SVEP1: variants seen among roughly 807,000 people sequenced by gnomAD.
SVEP1 encodes the protein sushi, von Willebrand factor type A, EGF and pentraxin domain-containing protein 1.
Under a neutral mutation model 367.3 loss-of-function variants are expected in SVEP1, and 164 were observed. That is an observed-to-expected ratio of 0.45 (90% CI 0.39 to 0.51). The LOEUF (loss-of-function observed/expected upper bound fraction) is 0.51, where lower values mean the gene tolerates loss of function less well. Among genes scored for constraint, SVEP1 ranks in the 20% least tolerant of loss-of-function variants. The pLI, the probability that SVEP1 is intolerant of heterozygous loss-of-function variation, is 0.00. For synonymous variants in SVEP1, 1,666 were observed against 1,611.6 expected (o/e 1.03, Z -0.81); for missense variants, 4,117 against 4,425.3 (o/e 0.93, Z 1.98).
Position 110,432,490 on chromosome 9 carries a change from G to A in SVEP1, c.5205C>T (p.Ser1735=). ...DSRMFCTDNG[S]WNGVSPSCLD... is the part of the protein sequence containing the mutation. ...GGCAGGATGGTGAAACGCCGTTCCA[G>A]CTCCCATTATCTGTACAGAACATCC... is the stretch of plus-strand genomic sequence containing the variant. The change falls in exon 31 of 48, where the codon AGC becomes AGT. Residue 1735 remains serine (S), a synonymous_variant. Transcript: ENST00000374469. 1 of 1,612,994 alleles carries A rather than the reference G, an allele frequency of 6.2e-7. No individual in the cohort carries two copies. Among genetic ancestry groups the A allele is most frequent in the Non-Finnish European group, 8.5e-7 (1 of 1,179,542 alleles).
At position 110,406,871 on chromosome 9, in the gene SVEP1, A is replaced by G. The variant is rs1451507239; in HGVS notation, c.8729T>C (p.Met2910Thr). 5 of 1,613,966 alleles carry G rather than the reference A, an allele frequency of 3.1e-6. No homozygotes were observed. Among genetic ancestry groups the G allele is most frequent in the Non-Finnish European group, 3.4e-6 (4 of 1,179,882 alleles). ...GTGACAGTGGAATGTTACTTCCTTC[A>G]TGAAGCCATAGTCCAGGCCTTCCGT... is the stretch of plus-strand genomic sequence containing the variant. The part of the protein sequence containing the change: ...GVTEGLDYGF[M>T]KEVTFHCHEG... Residue 2910 changes from methionine to threonine, a missense_variant, in exon 38 of 48, where the codon ATG becomes ACG. Physicochemically the swap from Met to Thr is moderately conservative, Grantham distance 81. Coordinates refer to ENST00000374469, the MANE Select transcript of SVEP1 (RefSeq NM_153366.4).
intron 35 of SVEP1, among the ~76,000 whole-genome samples, chr9:110,428,256 C>T (rs1284934702): frequency 6.6e-6 from 1 of 152,142 alleles, no homozygotes; most frequent in African/African-American, 2.4e-5. Flanking sequence ...TATGCCATGG[C>T]TTATCTGCCT....
intron 3 of SVEP1, among the ~76,000 whole-genome samples, chr9:110,528,825 A>G (rs1166163476): frequency 1.3e-5 from 2 of 151,424 alleles, no homozygotes; most frequent in African/African-American, 2.4e-5. Flanking sequence ...TATTAAAATA[A>G]ATATATTTTA....
chr9:110,471,822 A>G (rs1224872972), intron 15 of SVEP1, among the ~76,000 whole-genome samples: 1 of 152,244 alleles, frequency 6.6e-6, no homozygotes, highest in Non-Finnish European at 1.5e-5. Flanking sequence ...GAACTATACA[A>G]TTTGTTTCAG....
At position 110,459,128 on chromosome 9, in the gene SVEP1, A is replaced by T; in HGVS notation, c.3323-15T>A. 1 of 1,612,354 alleles carries T rather than the reference A, an allele frequency of 6.2e-7. No homozygotes were observed. Among genetic ancestry groups the T allele is most frequent in the South Asian group, 1.1e-5 (1 of 90,968 alleles). Reference sequence around the variant, plus strand: ...TGGACAAGGAACTGCAGAGGTAAAAACAAATCATATGTGCATATAAAGTAA... The same window carrying T: ...TGGACAAGGAACTGCAGAGGTAAAATCAAATCATATGTGCATATAAAGTAA... On this transcript the variant is annotated splice_polypyrimidine_tract_variant and intron_variant, in intron 18 of 47. Coordinates refer to ENST00000374469, the MANE Select transcript of SVEP1 (RefSeq NM_153366.4).
Position 110,579,326 on chromosome 9 carries a change from C to A in SVEP1, c.218G>T (p.Arg73Leu), listed in dbSNP as rs1304391263. 6.4e-7 allele frequency: 1 copy of A among 1,558,614 alleles called. No homozygotes were observed. The highest frequency in any genetic ancestry group is 8.7e-7 in the Non-Finnish European group (1 of 1,152,986). The change falls in exon 1 of 48, where the codon CGG (arginine) becomes CTG (leucine). Residue 73 changes from arginine to leucine, a missense_variant. By Grantham distance (102) the Arg-to-Leu change is moderately radical. Transcript: ENST00000374469. This position sits in a 1 kb window ranked among gnomAD's most constrained non-coding sequence, Gnocchi z 5.3. ...GCGCTCGCTGAGCTCCCGCAGCAGC[C>A]GCACGCGTCGCCGGAACGCCTGGCC... Reference protein sequence around the residue: ...RLGQAFRRRVRLLRELSERLE... With the variant: ...RLGQAFRRRVLLLRELSERLE...
At chr9:110,505,961 C>T (rs111854778) in intron 5 of SVEP1, among the ~76,000 whole-genome samples, 4,926 of 152,150 alleles carry the variant, frequency 0.032, 271 homozygotes, top group African/African-American at 0.11. Context: ...AATGTTATCC[C>T]TCCCCTAGTC....
chr9:110,554,915 T>C (rs11788686), intron 1 of SVEP1, among the ~76,000 whole-genome samples: 10,345 of 152,302 alleles, frequency 0.068, 441 homozygotes, highest in Non-Finnish European at 0.099. Flanking sequence ...TTATCTGTTA[T>C]GATTGAGATG....
intron 1 of SVEP1, among the ~76,000 whole-genome samples, chr9:110,566,397 A>T (rs1452895393): frequency 1.3e-5 from 2 of 152,004 alleles, no homozygotes; most frequent in African/African-American, 4.8e-5. Context: ...AAAGCTTGCT[A>T]TTGTGAAGAT....
chr9:110,453,885 A>T (rs749983577), intron 22 of SVEP1, among the ~76,000 whole-genome samples: 1 of 3,330 alleles, frequency 3.0e-4, no homozygotes, highest in African/African-American at 1.8e-3. Context: ...TACAAAAATT[A>T]AAAAAAAAAA....
chr9:110,493,218 G>T (rs1052275034), intron 8 of SVEP1, among the ~76,000 whole-genome samples: 1 of 152,064 alleles, frequency 6.6e-6, no homozygotes, highest in South Asian at 2.1e-4. Context: ...GGTTGGGGAG[G>T]GGGTGGTGCT....
chr9:110,519,041 A>G (rs900102817), intron 3 of SVEP1, among the ~76,000 whole-genome samples: 23 of 152,176 alleles, frequency 1.5e-4, no homozygotes, highest in African/African-American at 4.1e-4. Context: ...TTCAAGATCA[A>G]CTAGTGCCTA....
In SVEP1 at chr9:110,456,899, C is replaced by G. The variant is rs190424359; in HGVS notation, c.3673+357G>C. 3.9e-5 allele frequency among the ~76,000 whole-genome samples: 6 copies of G among 152,236 alleles called. No individual in the cohort carries two copies. In the East Asian group the frequency reaches 1.2e-3, roughly 29 times the overall value. On this transcript the variant is annotated intron_variant, in intron 21 of 47. Transcript: ENST00000374469. ...TAGCAAATCAGAGAAGCTGCCAGTT[C>G]ATTTAAAAATGTTTATACTGGACAA... is the stretch of plus-strand genomic sequence containing the variant.
intron 3 of SVEP1, among the ~76,000 whole-genome samples, chr9:110,539,743 T>C (rs1202860937): frequency 6.6e-6 from 1 of 151,930 alleles, no homozygotes; most frequent in African/African-American, 2.4e-5. Context: ...AGAGGGGCCA[T>C]GCTAATTTTC....
At position 110,407,564 on chromosome 9, in the gene SVEP1, G is replaced by A. The variant is rs762250865; in HGVS notation, c.8036C>T (p.Thr2679Ile). The change falls in exon 38 of 48, where the codon ACC becomes ATC. Residue 2679 changes from threonine (T) to isoleucine (I), a missense_variant. Physicochemically the swap from Thr to Ile is moderately conservative, Grantham distance 89. Coordinates refer to ENST00000374469, the MANE Select transcript of SVEP1 (RefSeq NM_153366.4). ...ATHSSNFLYG[T>I]MVSYTCNPGY... ...TGGATTACAGGTGTATGAAACCATG[G>A]TACCATACAGAAAGTTTGATGAATG... The A allele has an allele frequency of 6.2e-7, 1 of 1,613,954 alleles. No homozygotes were observed. Among genetic ancestry groups the A allele is most frequent in the Non-Finnish European group, 8.5e-7 (1 of 1,179,880 alleles).
In SVEP1 at chr9:110,503,877, C is replaced by T. The variant is rs80305977; in HGVS notation, c.1304-660G>A. On this transcript the variant is annotated intron_variant, in intron 5 of 47. Transcript: ENST00000374469. The stretch of plus-strand genomic sequence containing the variant: ...GCTGTGGTAGAGGCTTATAGTTGCC[C>T]ACCCAATAGCCATTCTCACCAGTTT... 6.3e-3 allele frequency among the ~76,000 whole-genome samples: 959 copies of T among 152,190 alleles called. 9 individuals carry two copies. Among genetic ancestry groups the T allele is most frequent in the African/African-American group, 0.022 (919 of 41,518 alleles).
intron 1 of SVEP1, among the ~76,000 whole-genome samples, chr9:110,555,574 C>T (rs1830346483): frequency 6.6e-6 from 1 of 152,184 alleles, no homozygotes; most frequent in Admixed American, 6.5e-5. Flanking sequence ...TGATTTCTTG[C>T]TGTACTACTC....
chr9:110,572,139 G>A (rs935653620), intron 1 of SVEP1, among the ~76,000 whole-genome samples: 2 of 152,122 alleles, frequency 1.3e-5, no homozygotes, highest in South Asian at 2.1e-4. Flanking sequence ...AAAAAGACCA[G>A]GTGATAAATC....
intron 18 of SVEP1, among the ~76,000 whole-genome samples, chr9:110,463,193 T>C (rs758882733): frequency 4.3e-4 from 58 of 133,998 alleles, no homozygotes; most frequent in South Asian, 8.0e-4. Context: ...TCTTTTCTTC[T>C]CCTATAGATC....
Sources: gnomAD v4.1 joint callset for allele counts (sites outside exome capture counted in the v4.1 genomes callset) on GRCh38, gnomAD v4.1.1 for gene constraint, Gnocchi (gnomAD v3.1) non-coding constraint, MANE v1.5 for transcripts, NCBI Gene and HGNC (gene_info 2026-07-23, HGNC 2026-07-21) for gene names.